Variants in SPEN observed in about 807,000 individuals in gnomAD.
SPEN encodes the protein msx2-interacting protein.
A neutral mutation model predicts 269.9 loss-of-function variants in SPEN; 18 were observed. The observed-to-expected ratio is 0.07, with a 90% CI of 0.05 to 0.10. The LOEUF (loss-of-function observed/expected upper bound fraction) is 0.10. SPEN is among the 10% of genes least tolerant of loss of function. SPEN has a pLI of 1.00. For missense variants in SPEN, 3,822 were observed against 4,631.2 expected, an observed-to-expected ratio of 0.83 and a Z score of 5.07; for synonymous variants, 1,726 against 1,765.7, an observed-to-expected ratio of 0.98 and a Z score of 0.56.
intron 7 of SPEN, among the ~76,000 whole-genome samples, 159 bp from the exon 8 acceptor site, chr1:15,919,245 A>AT (rs1240457421): frequency 6.6e-6 from 1 of 151,848 alleles, no homozygotes; most frequent in Admixed American, 6.6e-5. Flanking sequence ...GCCAGGCAGG[A>AT]TTTTTTTTGT....
rs57536868 is a variant in SPEN at position 15,909,532 on chromosome 1, G to A, written c.1042+51G>A. 1.3e-3 allele frequency: 1,956 copies of A among 1,514,752 alleles called. 29 individuals are homozygous for A. The African/African-American group carries it at 0.025, about 19-fold the overall frequency. 93.8% of individuals were successfully genotyped at this position (1,514,752 alleles called of 1,614,324 possible). ...CCTCTGTGCTACTACTGAGGAATGA[G>A]GTATGATACTGCATTACATTGAAAT... is the stretch of plus-strand genomic sequence containing the variant. On this transcript the variant is annotated intron_variant, in intron 4 of 14. Coordinates refer to ENST00000375759, the MANE Select transcript of SPEN (RefSeq NM_015001.3).
In SPEN at chr1:15,928,541, C is replaced by T. The variant is rs545076081; in HGVS notation, c.2301C>T (p.Ser767=). 1.9e-6 allele frequency: 3 copies of T among 1,614,096 alleles called. No individual in the cohort carries two copies. The highest frequency in any genetic ancestry group is 4.5e-5 in the East Asian group (2 of 44,868). ...SRSSDRSGSC[S]SLSPPRYEKL... ...CCTCAGACCGGAGTGGAAGCTGTAG[C>T]TCACTCTCCCCTCCAAGATATGAGA... Residue 767 remains serine (S), a synonymous_variant, in exon 11 of 15, where the codon AGC becomes AGT. Transcript: ENST00000375759. The surrounding 1 kb of genome is among the most constrained non-coding windows in gnomAD (Gnocchi z 5.7).
intron 10 of SPEN, among the ~76,000 whole-genome samples, 158 bp from the exon 11 acceptor site, chr1:15,927,933 A>C (rs1242359653): frequency 6.6e-6 from 1 of 152,214 alleles, no homozygotes; most frequent in African/African-American, 2.4e-5. Flanking sequence ...AGCTACTTGA[A>C]GCTATAGTGG....
rs2070633019 is a variant in SPEN at position 15,876,591 on chromosome 1, C to T, written c.794C>T (p.Pro265Leu). ...AGACTGGCTAGCCAAGCATCTAGAC[C>T]CACAAGGTCCCCTAGCGGCAGCGGC... ...PQRLASQASRPTRSPSGSGSR... is the reference protein window; with the variant it reads ...PQRLASQASRLTRSPSGSGSR... The change falls in exon 3 of 15, where the codon CCC becomes CTC. Residue 265 changes from proline to leucine, a missense_variant. Transcript: ENST00000375759. 4 of 1,614,034 alleles carry T rather than the reference C, an allele frequency of 2.5e-6. No individual in the cohort carries two copies. The South Asian group carries it at 4.4e-5, about 18-fold the overall frequency.
chr1:15,885,776 G>C (rs2070731054), intron 3 of SPEN, among the ~76,000 whole-genome samples: 1 of 152,182 alleles, frequency 6.6e-6, no homozygotes, highest in Non-Finnish European at 1.5e-5. Context: ...GTTCAGCAGT[G>C]TGTGCTTTGG....
Position 15,847,795 on chromosome 1 carries a change from C to T in SPEN, c.-273C>T, listed in dbSNP as rs890953796. On this transcript the variant is annotated 5_prime_UTR_variant, in exon 1 of 15. Coordinates refer to ENST00000375759, the MANE Select transcript of SPEN (RefSeq NM_015001.3). ...TCGCCCCTCCTCCCGCTCCCCCGCC[C>T]GCCCCTGCCCGGGCGCATGCGCTGC... 3.6e-5 allele frequency: 8 copies of T among 221,512 alleles called. No individual in the cohort carries two copies. The highest frequency in any genetic ancestry group is 6.3e-5 in the Non-Finnish European group (7 of 111,908). The allele number at this position is 221,512 out of a possible 1,614,324, so 13.7% of individuals were successfully genotyped here. A position where few individuals can be genotyped will look rare whatever the true frequency, so the allele number is the denominator to read the frequency against.
Position 15,931,177 on chromosome 1 carries a change from C to T in SPEN, c.4937C>T (p.Thr1646Ile), listed in dbSNP as rs1426349295. The T allele has an allele frequency of 1.2e-6, 2 of 1,614,082 alleles. No individual in the cohort carries two copies. The highest frequency in any genetic ancestry group is 2.7e-5 in the African/African-American group (2 of 74,926). ...SVGPPSVTVV[T>I]LESAPSALEK... ...GGGCCTCCAAGTGTCACAGTCGTAA[C>T]TCTAGAATCAGCCCCATCAGCACTA... is the stretch of plus-strand genomic sequence containing the variant. Residue 1646 changes from threonine (T) to isoleucine (I), a missense_variant, in exon 11 of 15, where the codon ACT (threonine) becomes ATT (isoleucine). By Grantham distance (89) the Thr-to-Ile change is moderately conservative. This residue lies in a region of SPEN where 533 missense variants were observed against 618.8 expected (regional missense o/e 0.86). Coordinates refer to ENST00000375759, the MANE Select transcript of SPEN (RefSeq NM_015001.3). This position sits in a 1 kb window ranked among gnomAD's most constrained non-coding sequence, Gnocchi z 4.8.
intron 11 of SPEN, 113 bp downstream of exon 11, chr1:15,936,379 G>A: frequency 3.6e-6 from 5 of 1,394,856 alleles, no homozygotes; most frequent in South Asian, 1.8e-5. Flanking sequence ...GGTGGCTTAT[G>A]CCTGTAATCC....
In SPEN at chr1:15,931,359, G is replaced by A; in HGVS notation, c.5119G>A (p.Asp1707Asn). ...ACAAGTAGACCTGCCCCCAGGAGCA[G>A]ACCCCGATAAAGAAGCTGCCATGAT... is the stretch of plus-strand genomic sequence containing the variant. ...LEQVDLPPGADPDKEAAMMPA... is the reference protein window; with the variant it reads ...LEQVDLPPGANPDKEAAMMPA... The change falls in exon 11 of 15, where the codon GAC (aspartate) becomes AAC (asparagine). Residue 1707 changes from aspartate to asparagine, a missense_variant. Asp to Asn is a conservative substitution (Grantham distance 23). Transcript: ENST00000375759. This position sits in a 1 kb window ranked among gnomAD's most constrained non-coding sequence, Gnocchi z 4.8. 6.2e-7 allele frequency: 1 copy of A among 1,614,192 alleles called. No individual in the cohort carries two copies. The highest frequency in any genetic ancestry group is 8.5e-7 in the Non-Finnish European group (1 of 1,180,028).
In SPEN at chr1:15,939,410, G is replaced by A. The variant is rs937683205; in HGVS notation, c.10978G>A (p.Val3660Ile). ...ISNISPHLMI[V>I]IASV ...CAACATCTCTCCCCACCTCATGATTGTCATTGCCTCCGTGTGAGCCACTGA... is the reference window on the plus strand; with the variant it reads ...CAACATCTCTCCCCACCTCATGATTATCATTGCCTCCGTGTGAGCCACTGA... The change falls in exon 15 of 15, where the codon GTC becomes ATC. Residue 3660 changes from valine to isoleucine, a missense_variant. Around this residue, in one of 16 missense-constraint regions of SPEN, gnomAD observed 103 missense variants for 215.8 expected, o/e 0.48. Transcript: ENST00000375759. This position sits in a 1 kb window ranked among gnomAD's most constrained non-coding sequence, Gnocchi z 4.1. The A allele has an allele frequency of 1.3e-6, 2 of 1,599,596 alleles. No individual in the cohort carries two copies. The highest frequency in any genetic ancestry group is 1.7e-5 in the Admixed American group (1 of 58,210).
chr1:15,904,477 AG>A (rs1557750220), intron 3 of SPEN, among the ~76,000 whole-genome samples: 82 of 137,980 alleles, frequency 5.9e-4, no homozygotes, highest in East Asian at 1.9e-3. Context: ...AAAAAAAAAA[AG>A]TGAACTAAAA....
At chr1:15,857,880 A>G (rs2070403074) in intron 1 of SPEN, among the ~76,000 whole-genome samples, 2 of 152,002 alleles carry the variant, frequency 1.3e-5, no homozygotes, top group African/African-American at 4.8e-5. Flanking sequence ...CTGTAATCCC[A>G]GCACTTTGGG....
rs1025560152 is a variant in SPEN at position 15,933,301 on chromosome 1, G to A, written c.7061G>A (p.Ser2354Asn). 17 of 1,613,996 alleles carry A rather than the reference G, an allele frequency of 1.1e-5. No individual in the cohort carries two copies. Among genetic ancestry groups the A allele is most frequent in the Non-Finnish European group, 1.4e-5 (17 of 1,180,034 alleles). Residue 2354 changes from serine (S) to asparagine (N), a missense_variant, in exon 11 of 15, where the codon AGC becomes AAC. Transcript: ENST00000375759. The surrounding 1 kb of genome is among the most constrained non-coding windows in gnomAD (Gnocchi z 5.7). ...TNKKVVAPVE[S>N]HVPESNQAQG... ...AAGAAAGTGGTGGCTCCTGTAGAGA[G>A]CCATGTCCCTGAATCCAACCAAGCT...
At chr1:15,866,671 A>G (rs2070515068) in intron 1 of SPEN, among the ~76,000 whole-genome samples, 1 of 152,164 alleles carries the variant, frequency 6.6e-6, no homozygotes, top group Non-Finnish European at 1.5e-5. Flanking sequence ...TTAGTTATTT[A>G]AGAACAGCTC....
intron 1 of SPEN, among the ~76,000 whole-genome samples, chr1:15,852,368 G>A (rs2070344712): frequency 6.6e-6 from 1 of 151,758 alleles, no homozygotes; most frequent in Admixed American, 6.6e-5. Context: ...ATAGGCTTTT[G>A]CACATTTTAA....
In SPEN at chr1:15,920,908, C is replaced by G. The variant is rs776758475; in HGVS notation, c.1674C>G (p.Leu558=). 2 of 1,613,092 alleles carry G rather than the reference C, an allele frequency of 1.2e-6. No individual in the cohort carries two copies. Among genetic ancestry groups the G allele is most frequent in the South Asian group, 2.2e-5 (2 of 90,926 alleles). The change falls in exon 9 of 15, where the codon CTC becomes CTG. Residue 558 remains leucine (L), a synonymous_variant. Transcript: ENST00000375759. ...GCTTAAAAGGCATGGCCCTGGTTCTCTACAATGAAATTGAATATGCACAAG... is the reference window on the plus strand; with the variant it reads ...GCTTAAAAGGCATGGCCCTGGTTCTGTACAATGAAATTGAATATGCACAAG... ...FDRLKGMALV[L]YNEIEYAQAA...
chr1:15,884,706 C>A (rs1019094495), intron 3 of SPEN, among the ~76,000 whole-genome samples: 4 of 146,168 alleles, frequency 2.7e-5, no homozygotes, highest in Admixed American at 7.0e-5. Context: ...AATTCCTTTC[C>A]TTTTCCTTTT....
Position 15,873,115 on chromosome 1 carries a change from G to T in SPEN, c.383G>T (p.Arg128Leu). 1 of 1,612,062 alleles carries T rather than the reference G, an allele frequency of 6.2e-7. No homozygotes were observed. Among genetic ancestry groups the T allele is most frequent in the Non-Finnish European group, 8.5e-7 (1 of 1,178,436 alleles). ...PPPSLHAREG[R>L]YERRLDGASD... ...CCGTCACTTCATGCACGAGAAGGAC[G>T]TTATGAGCGGAGACTTGATGGGTAA... The change falls in exon 2 of 15, where the codon CGT (arginine) becomes CTT (leucine). Residue 128 changes from arginine (R) to leucine (L), a missense_variant. By Grantham distance (102) the Arg-to-Leu change is moderately radical. Coordinates refer to ENST00000375759, the MANE Select transcript of SPEN (RefSeq NM_015001.3).
At chr1:15,908,663 C>T (rs1031792690) in intron 3 of SPEN, among the ~76,000 whole-genome samples, 12 of 152,090 alleles carry the variant, frequency 7.9e-5, no homozygotes, top group Non-Finnish European at 1.8e-4. Flanking sequence ...CCTCACCCGC[C>T]TTGGCCTCCT....
Sources: allele counts gnomAD v4.1 joint callset (sites outside exome capture counted in the v4.1 genomes callset), GRCh38; gene constraint gnomAD v4.1.1; regional missense constraint gnomAD v4.1.1; non-coding constraint Gnocchi (gnomAD v3.1); transcripts MANE v1.5; gene names NCBI Gene and HGNC (gene_info 2026-07-23, HGNC 2026-07-21).